The following PICALM variants were observed in gnomAD, a reference collection of about 807,000 sequenced individuals.
PICALM encodes phosphatidylinositol-binding clathrin assembly protein.
In PICALM, 40 loss-of-function variants were observed where a neutral mutation model predicts 80.5. That is an observed-to-expected ratio of 0.50 (90% CI 0.39 to 0.65). The LOEUF (loss-of-function observed/expected upper bound fraction) is 0.65. Among genes scored for constraint, PICALM ranks in the 30% least tolerant of loss-of-function variants. The pLI, the probability that PICALM is intolerant of heterozygous loss-of-function variation, is 0.00. For missense variants in PICALM, 676 were observed against 778.9 expected, an observed-to-expected ratio of 0.87 and a Z score of 1.57; for synonymous variants, 288 against 260.3, an observed-to-expected ratio of 1.11 and a Z score of -1.02.
At chr11:85,986,682 G>A (rs1161519104) in intron 13 of PICALM, among the ~76,000 whole-genome samples, 4 of 152,096 alleles carry the variant, frequency 2.6e-5, no homozygotes, top group South Asian at 2.1e-4. Flanking sequence ...GAGCCACCGC[G>A]CCCGGCCCTC....
At chr11:85,983,377 C>T (rs1333489987) in intron 14 of PICALM, among the ~76,000 whole-genome samples, 1 of 152,058 alleles carries the variant, frequency 6.6e-6, no homozygotes, top group East Asian at 1.9e-4. Flanking sequence ...ATTCATAAAA[C>T]AATAAAAAGC....
intron 19 of PICALM, among the ~76,000 whole-genome samples, chr11:85,963,412 A>G (rs1370232782): frequency 6.6e-6 from 1 of 152,250 alleles, no homozygotes. Flanking sequence ...ACTTCAAATA[A>G]CATTCTCTAT....
chr11:86,031,981 ATTAACT>A (rs1423212507), intron 1 of PICALM, among the ~76,000 whole-genome samples: 2 of 152,196 alleles, frequency 1.3e-5, no homozygotes, highest in African/African-American at 4.8e-5. Flanking sequence ...TCTCTTTAAA[ATTAACT>A]TTAACATTTT....
At chr11:86,055,777 G>A (rs2096259241) in intron 1 of PICALM, among the ~76,000 whole-genome samples, 1 of 152,134 alleles carries the variant, frequency 6.6e-6, no homozygotes, top group Non-Finnish European at 1.5e-5. Context: ...TCTTAGAGTT[G>A]TAAAGGTGCA....
In PICALM at chr11:86,069,076, G is replaced by A. The variant is rs1404499449; in HGVS notation, c.-296C>T. 3.0e-6 allele frequency: 1 copy of A among 337,094 alleles called. No homozygotes were observed. The highest frequency in any genetic ancestry group is 4.8e-5 in the East Asian group (1 of 20,700). 20.9% of individuals were successfully genotyped at this position (337,094 alleles called of 1,614,324 possible). On this transcript the variant is annotated 5_prime_UTR_variant, in exon 1 of 20. Transcript: ENST00000393346. ...GGGTAAGAGGAACAGGCAGCTGCAGGAAAATGGCGGCGCCAGGCTCCTCCT... is the reference window on the plus strand; with the variant it reads ...GGGTAAGAGGAACAGGCAGCTGCAGAAAAATGGCGGCGCCAGGCTCCTCCT...
chr11:86,036,450 T>C (rs1593187588), intron 1 of PICALM, among the ~76,000 whole-genome samples: 1 of 152,210 alleles, frequency 6.6e-6, no homozygotes, highest in Non-Finnish European at 1.5e-5. Context: ...AACTATGCTC[T>C]TCACAGGCTG....
At chr11:86,061,347 A>G (rs1455076372) in intron 1 of PICALM, among the ~76,000 whole-genome samples, 3 of 113,508 alleles carry the variant, frequency 2.6e-5, no homozygotes, top group Admixed American at 8.9e-5. Context: ...AAAAAAAAAA[A>G]AAAAAAAAGA....
intron 5 of PICALM, 44 bp downstream of exon 5, chr11:86,014,826 T>A: frequency 1.8e-6 from 2 of 1,116,128 alleles, no homozygotes; most frequent in Non-Finnish European, 2.6e-6. Context: ...TGAATTATAA[T>A]GACCTAATTT....
chr11:86,027,004 T>C (rs1170540545), intron 2 of PICALM, among the ~76,000 whole-genome samples: 1 of 152,244 alleles, frequency 6.6e-6, no homozygotes. Context: ...ATTTGAAATT[T>C]ACACAAGTAT....
intron 1 of PICALM, among the ~76,000 whole-genome samples, chr11:86,055,284 C>A (rs1414454744): frequency 4.8e-5 from 7 of 144,486 alleles, no homozygotes; most frequent in Non-Finnish European, 7.5e-5. Flanking sequence ...GAGCCTAGAT[C>A]GTGCCACTGC....
intron 1 of PICALM, among the ~76,000 whole-genome samples, chr11:86,055,452 T>C (rs2096254332): frequency 6.6e-6 from 1 of 151,990 alleles, no homozygotes; most frequent in Admixed American, 6.6e-5. Context: ...ATTCTGAAAA[T>C]GTAAAAAATA....
chr11:86,020,312 T>C (rs1173206386), intron 4 of PICALM, among the ~76,000 whole-genome samples: 1 of 151,412 alleles, frequency 6.6e-6, no homozygotes, highest in African/African-American at 2.4e-5. Context: ...GATCTATAGA[T>C]TCAATGCAAT....
intron 14 of PICALM, among the ~76,000 whole-genome samples, chr11:85,982,854 A>C (rs2094483675): frequency 6.6e-6 from 1 of 152,214 alleles, no homozygotes; most frequent in African/African-American, 2.4e-5. Flanking sequence ...AAATTCTTTA[A>C]GTTTTCCTCA....
intron 12 of PICALM, among the ~76,000 whole-genome samples, chr11:85,992,045 T>C (rs569519834): frequency 6.6e-6 from 1 of 152,252 alleles, no homozygotes; most frequent in African/African-American, 2.4e-5. Context: ...AGAGATGCTA[T>C]GATACCAACG....
rs374909158 is a variant in PICALM, at chr11:86,000,828, T to C, written c.1018-49A>G. On this transcript the variant is annotated intron_variant, in intron 10 of 19. Coordinates refer to ENST00000393346, the MANE Select transcript of PICALM (RefSeq NM_007166.4). ...AAGGATTCCAGAAACCAGATTTCTT[T>C]GTACAGCCTCTGAAAAAAGCATTTT... is the stretch of plus-strand genomic sequence containing the variant. 1.5e-5 allele frequency: 24 copies of C among 1,582,180 alleles called. No individual in the cohort carries two copies. The African/African-American group carries it at 2.3e-4, about 15-fold the overall frequency.
At chr11:86,061,051 G>A (rs114516140) in intron 1 of PICALM, among the ~76,000 whole-genome samples, 247 of 152,232 alleles carry the variant, frequency 1.6e-3, no homozygotes, top group African/African-American at 5.6e-3. Flanking sequence ...TTTGATAGCC[G>A]GGCTCAGTGG....
At chr11:85,966,107 C>T (rs1160255888) in intron 19 of PICALM, among the ~76,000 whole-genome samples, 1 of 152,156 alleles carries the variant, frequency 6.6e-6, no homozygotes, top group Non-Finnish European at 1.5e-5. Context: ...GTGTGAGCCA[C>T]CGCACCCGGC....
At chr11:86,059,948 T>G (rs970280872) in intron 1 of PICALM, among the ~76,000 whole-genome samples, 1 of 152,090 alleles carries the variant, frequency 6.6e-6, no homozygotes, top group Non-Finnish European at 1.5e-5. Flanking sequence ...GGAAAAAAAT[T>G]TAAATATTAT....
intron 1 of PICALM, among the ~76,000 whole-genome samples, chr11:86,061,206 G>C (rs886497765): frequency 6.6e-6 from 1 of 151,778 alleles, no homozygotes; most frequent in African/African-American, 2.4e-5. Flanking sequence ...GTAGACACCT[G>C]TAATCCCAGC....
Sources: allele counts gnomAD v4.1 joint callset (sites outside exome capture counted in the v4.1 genomes callset), GRCh38; gene constraint gnomAD v4.1.1; transcripts MANE v1.5; gene names NCBI Gene and HGNC (gene_info 2026-07-23, HGNC 2026-07-21).